Variants in LYN observed in about 807,000 individuals in gnomAD.
The protein encoded by LYN is tyrosine-protein kinase Lyn.
A neutral mutation model predicts 65.0 loss-of-function variants in LYN; 12 were observed. That is an observed-to-expected ratio of 0.18 (90% confidence interval 0.12 to 0.30). LYN has a LOEUF of 0.30. Among genes scored for constraint, LYN ranks in the 10% least tolerant of loss-of-function variants. LYN has a pLI of 1.00. For missense variants in LYN, 380 were observed against 623.2 expected (o/e 0.61, Z 4.16); for synonymous variants, 222 against 221.2 (o/e 1.00, Z -0.03).
At chr8:55,972,207 C>G (rs1159366493) in intron 10 of LYN, among the ~76,000 whole-genome samples, 3 of 152,212 alleles carry the variant, frequency 2.0e-5, no homozygotes, top group Admixed American at 2.0e-4. Context: ...CAGCAGCCGG[C>G]AGGACCCTAA....
chr8:55,968,846 G>A lies in LYN; in HGVS notation c.974-871G>A, dbSNP rs138455996. Among the ~76,000 whole-genome samples, 65 of 152,290 alleles carry A rather than the reference G, an allele frequency of 4.3e-4. 1 individual carries two copies. The highest frequency in any genetic ancestry group is 1.5e-3 in the African/African-American group (61 of 41,574). On this transcript the variant is annotated intron_variant, in intron 9 of 12. Transcript: ENST00000519728. ...GTAAACAACTTGACCAAGGCTACCC[G>A]TAAGGCTGGTACTTAAAGTTCTAGG...
chr8:55,897,774 G>A (rs1038300940), intron 1 of LYN, among the ~76,000 whole-genome samples: 3 of 152,022 alleles, frequency 2.0e-5, no homozygotes, highest in Non-Finnish European at 4.4e-5. Context: ...TTAGCCAAGA[G>A]TGGTGGCATG....
chr8:55,954,269 G>A (rs1807039783), intron 8 of LYN, among the ~76,000 whole-genome samples: 2 of 152,090 alleles, frequency 1.3e-5, no homozygotes, highest in Non-Finnish European at 2.9e-5. Context: ...TTCCCTCATC[G>A]CCAGATTCTC....
intron 8 of LYN, among the ~76,000 whole-genome samples, 196 bp downstream of exon 8, chr8:55,954,180 C>T (rs1246572905): frequency 2.6e-5 from 4 of 152,170 alleles, no homozygotes; most frequent in African/African-American, 4.8e-5. Flanking sequence ...CTCTTTCTTG[C>T]GACTTAGTAA....
intron 1 of LYN, among the ~76,000 whole-genome samples, chr8:55,935,083 C>G (rs780205165): frequency 7.2e-5 from 11 of 152,202 alleles, no homozygotes; most frequent in Non-Finnish European, 1.6e-4. Context: ...ACCATGGAGG[C>G]AGCTCTGTGA....
intron 10 of LYN, among the ~76,000 whole-genome samples, chr8:55,992,480 C>T (rs747527664): frequency 5.3e-5 from 8 of 152,182 alleles, no homozygotes; most frequent in Non-Finnish European, 8.8e-5. Context: ...TCCCTCACCC[C>T]AGCTCCATAT....
intron 8 of LYN, 144 bp downstream of exon 8, chr8:55,954,128 G>T (rs1021327813): frequency 1.2e-6 from 1 of 865,642 alleles, no homozygotes; most frequent in South Asian, 1.8e-5. Flanking sequence ...TGTCCATTGG[G>T]GCTGAGAACT....
intron 1 of LYN, among the ~76,000 whole-genome samples, chr8:55,928,448 T>C (rs1357005986): frequency 1.3e-5 from 2 of 152,178 alleles, no homozygotes; most frequent in African/African-American, 2.4e-5. Context: ...GCAGGGCCCA[T>C]TGTTGCTTTA....
intron 1 of LYN, among the ~76,000 whole-genome samples, chr8:55,918,290 C>CCTTTATTTCCTTAATTGCACTTAT (rs1805836450): frequency 6.6e-6 from 1 of 152,212 alleles, no homozygotes; most frequent in Admixed American, 6.5e-5. Flanking sequence ...TGTTAACCTG[C>CCTTTATTTCCTTAATTGCACTTAT]CTTTATTTCC....
At chr8:55,917,225 A>C (rs192328723) in intron 1 of LYN, among the ~76,000 whole-genome samples, 50 of 150,428 alleles carry the variant, frequency 3.3e-4, no homozygotes, top group Admixed American at 3.1e-3. Context: ...TTGCGCTGTC[A>C]CCCAGGCTGG....
intron 10 of LYN, among the ~76,000 whole-genome samples, chr8:55,982,189 C>A (rs1246829255): frequency 2.0e-5 from 3 of 152,068 alleles, no homozygotes; most frequent in Non-Finnish European, 4.4e-5. Context: ...CATTATCTGG[C>A]AATGTTATAT....
At chr8:55,940,715 C>T (rs1806585366) in intron 1 of LYN, among the ~76,000 whole-genome samples, 1 of 152,058 alleles carries the variant, frequency 6.6e-6, no homozygotes, top group Non-Finnish European at 1.5e-5. Context: ...TACTGTAAGA[C>T]AAGAACTGTG....
At chr8:55,890,809 A>AG (rs1804937853) in intron 1 of LYN, among the ~76,000 whole-genome samples, 3 of 150,746 alleles carry the variant, frequency 2.0e-5, no homozygotes, top group African/African-American at 7.3e-5. Flanking sequence ...CTCACTATAG[A>AG]CTTGACTTCC....
chr8:56,011,303 T>C lies in LYN; in HGVS notation c.*1193T>C, dbSNP rs1808810690. On this transcript the variant is annotated 3_prime_UTR_variant, in exon 13 of 13. Transcript: ENST00000519728. Reference sequence around the variant, plus strand: ...GAATGGAAACTTCTGTATCACATGATGTGTTTCACTTATGCTGTTGTGTAT... The same window carrying C: ...GAATGGAAACTTCTGTATCACATGACGTGTTTCACTTATGCTGTTGTGTAT... 8.9e-6 allele frequency: 2 copies of C among 224,358 alleles called. No individual in the cohort carries two copies. Among genetic ancestry groups the C allele is most frequent in the African/African-American group, 4.5e-5 (2 of 44,866 alleles). 13.9% of individuals were successfully genotyped at this position (224,358 alleles called of 1,614,324 possible).
chr8:55,996,570 T>C (rs372595182), intron 10 of LYN, among the ~76,000 whole-genome samples: 10 of 152,102 alleles, frequency 6.6e-5, no homozygotes, highest in African/African-American at 2.4e-4. Context: ...CTTCCCTCCT[T>C]TCCTCCTCTC....
chr8:55,890,140 A>G (rs1238325519), intron 1 of LYN, among the ~76,000 whole-genome samples: 5 of 144,868 alleles, frequency 3.5e-5, no homozygotes, highest in African/African-American at 1.0e-4. Flanking sequence ...AAAAAAAAAG[A>G]ATAAATAAAA....
At chr8:56,000,377 C>A (rs959088848) in intron 12 of LYN, among the ~76,000 whole-genome samples, 2 of 152,090 alleles carry the variant, frequency 1.3e-5, no homozygotes, top group Non-Finnish European at 2.9e-5. Flanking sequence ...CTGAAGCCTG[C>A]AGAGCCAGAT....
At position 55,998,517 on chromosome 8, in the gene LYN, T is replaced by C. The variant is rs757327685; in HGVS notation, c.1204+18T>C. On this transcript the variant is annotated intron_variant, in intron 11 of 12. Transcript: ENST00000519728. ...AAGGGAAGGTATGTTGCACTAATGA[T>C]CTTTAGATGTTTTATTATTGTGTTT... The C allele has an allele frequency of 1.9e-6, 3 of 1,588,968 alleles. No homozygotes were observed. Among genetic ancestry groups the C allele is most frequent in the Non-Finnish European group, 2.6e-6 (3 of 1,159,138 alleles).
At chr8:55,942,317 A>ATGTATATATATGTGTATATATATATG (rs1387921005) in intron 2 of LYN, among the ~76,000 whole-genome samples, 8 of 136,876 alleles carry the variant, frequency 5.8e-5, no homozygotes, top group Non-Finnish European at 9.4e-5. Context: ...ATGTGTATAT[A>ATGTATATATATGTGTATATATATATG]TGTATATATA....
Sources: gnomAD v4.1 joint callset for allele counts (sites outside exome capture counted in the v4.1 genomes callset) on GRCh38, gnomAD v4.1.1 for gene constraint, MANE v1.5 for transcripts, NCBI Gene and HGNC (gene_info 2026-07-23, HGNC 2026-07-21) for gene names.